ABLIM2: variants seen among roughly 807,000 people sequenced by gnomAD.
ABLIM2 encodes the protein actin-binding LIM protein 2.
Under a neutral mutation model 97.7 loss-of-function variants are expected in ABLIM2, and 53 were observed. The ratio of observed to expected loss-of-function variants is 0.54; its 90% CI spans 0.44 to 0.68. The LOEUF (loss-of-function observed/expected upper bound fraction) is 0.68, where lower values mean the gene tolerates loss of function less well. Among genes scored for constraint, ABLIM2 ranks in the 30% least tolerant of loss-of-function variants. The pLI is 0.00. For synonymous variants in ABLIM2, 361 were observed against 345.8 expected (o/e 1.04, Z -0.49); for missense variants, 835 against 867.2 (o/e 0.96, Z 0.47).
intron 20 of ABLIM2, among the ~76,000 whole-genome samples, chr4:7,981,671 C>T (rs957462560): frequency 6.6e-6 from 1 of 152,212 alleles, no homozygotes; most frequent in African/African-American, 2.4e-5. Context: ...GCATCCCATC[C>T]CCAGTGCTAC....
At chr4:7,977,422 C>G (rs1402334085) in intron 20 of ABLIM2, among the ~76,000 whole-genome samples, 1 of 152,330 alleles carries the variant, frequency 6.6e-6, no homozygotes, top group South Asian at 2.1e-4. Flanking sequence ...CACATACACA[C>G]ACATGCATGC....
Position 8,104,283 on chromosome 4 carries a change from C to T in ABLIM2, c.154+2211G>A, listed in dbSNP as rs553514289. On this transcript the variant is annotated intron_variant, in intron 2 of 20. Transcript: ENST00000447017. ...AAAACAAATCCTTCCCCGCGTGTGC[C>T]GGAGAGCGTGCTGTTCACTTCGTTG... 3.9e-5 allele frequency among the ~76,000 whole-genome samples: 6 copies of T among 152,338 alleles called. No individual in the cohort carries two copies. The South Asian group carries it at 6.2e-4, about 16-fold the overall frequency.
At chr4:8,013,019 A>G (rs1156359960) in intron 14 of ABLIM2, among the ~76,000 whole-genome samples, 2 of 152,008 alleles carry the variant, frequency 1.3e-5, no homozygotes, top group African/African-American at 4.8e-5. Context: ...CTCAGACATG[A>G]CCCTTGTCTT....
At position 8,064,503 on chromosome 4, in the gene ABLIM2, C is replaced by A. The variant is rs1006596546; in HGVS notation, c.676-3449G>T. Among the ~76,000 whole-genome samples the A allele has an allele frequency of 7.8e-4, 118 of 152,220 alleles. 1 individual carries two copies. The highest frequency in any genetic ancestry group is 2.9e-4 in the Non-Finnish European group (20 of 68,040). On this transcript the variant is annotated intron_variant, in intron 6 of 20. Coordinates refer to ENST00000447017, the MANE Select transcript of ABLIM2 (RefSeq NM_001130083.2). ...TTCCCAACAGCCACAGGATGTGCCC[C>A]CTTCACGCTGGACTTCACAGCCTCC...
Position 8,080,689 on chromosome 4 carries a change from C to G in ABLIM2, c.568G>C (p.Glu190Gln). 2 of 1,607,628 alleles carry G rather than the reference C, an allele frequency of 1.2e-6. No individual in the cohort carries two copies. The highest frequency in any genetic ancestry group is 1.7e-6 in the Non-Finnish European group (2 of 1,175,606). The change falls in exon 5 of 21, where the codon GAG (glutamate) becomes CAG (glutamine). Residue 190 changes from glutamate (E) to glutamine (Q), a missense_variant. Coordinates refer to ENST00000447017, the MANE Select transcript of ABLIM2 (RefSeq NM_001130083.2). ...CCCCCCACTTACTTGCTGATGTACT[C>G]GGCATTCAGGAGCTTCCCACAGCTC... The part of the protein sequence containing the change: ...CKSCGKLLNA[E>Q]YISKDGLPYC...
intron 8 of ABLIM2, among the ~76,000 whole-genome samples, chr4:8,052,902 T>C (rs994145965): frequency 1.3e-5 from 2 of 152,212 alleles, no homozygotes; most frequent in Non-Finnish European, 2.9e-5. Flanking sequence ...GGATGAGGTC[T>C]ACGGGATACC....
At chr4:8,027,650 T>C (rs576036311) in intron 12 of ABLIM2, 109 bp downstream of exon 12, 4 of 840,404 alleles carry the variant, frequency 4.8e-6, no homozygotes, top group South Asian at 2.4e-5. Flanking sequence ...GCACAGGGCA[T>C]GAAACAGGGG....
At chr4:8,029,505 C>T in intron 11 of ABLIM2, 151 bp downstream of exon 11, 1 of 1,098,224 alleles carries the variant, frequency 9.1e-7, no homozygotes, top group Non-Finnish European at 1.2e-6. Flanking sequence ...TCTCAGCCAC[C>T]CACCCGCTGG....
Position 8,113,218 on chromosome 4 carries a change from C to T in ABLIM2, c.11-6581G>A, listed in dbSNP as rs575096688. Among the ~76,000 whole-genome samples, 1 of 152,286 alleles carries T rather than the reference C, an allele frequency of 6.6e-6. No individual in the cohort carries two copies. Among genetic ancestry groups the T allele is most frequent in the South Asian group, 2.1e-4 (1 of 4,824 alleles). Reference sequence around the variant, plus strand: ...CAAGCCATCCTCCCACCTCAGCCTCCCGAGTAGCTGGGACCACAAGTGTGT... The same window carrying T: ...CAAGCCATCCTCCCACCTCAGCCTCTCGAGTAGCTGGGACCACAAGTGTGT... On this transcript the variant is annotated intron_variant, in intron 1 of 20. Transcript: ENST00000447017. This position sits in a 1 kb window ranked among gnomAD's most constrained non-coding sequence, Gnocchi z 4.5.
At chr4:8,089,963 G>A (rs758186221) in intron 3 of ABLIM2, among the ~76,000 whole-genome samples, 8 of 152,252 alleles carry the variant, frequency 5.3e-5, no homozygotes, top group East Asian at 3.9e-4. Flanking sequence ...GGAGACCACC[G>A]TGCCTTCCCC....
At chr4:8,051,060 T>C (rs1360424581) in intron 8 of ABLIM2, among the ~76,000 whole-genome samples, 1 of 152,212 alleles carries the variant, frequency 6.6e-6, no homozygotes. Context: ...CTGGCATCAG[T>C]GGGGACAGTG....
rs1000041504 is a variant in ABLIM2 at position 8,074,833 on chromosome 4, T to C, written c.675+2795A>G. ...TCTCGCTCTGTAGCCCAGGCTGGAG[T>C]GCAGTGGCGCAGTCTCGGCTCACTG... On this transcript the variant is annotated intron_variant, in intron 6 of 20. Coordinates refer to ENST00000447017, the MANE Select transcript of ABLIM2 (RefSeq NM_001130083.2). Among the ~76,000 whole-genome samples the C allele has an allele frequency of 2.5e-4, 36 of 141,456 alleles. 1 individual carries two copies. The highest frequency in any genetic ancestry group is 8.1e-3 in the Middle Eastern group (2 of 246). 92.8% of individuals were successfully genotyped at this position (141,456 alleles called of 152,430 possible). A position where few individuals can be genotyped will look rare whatever the true frequency, so the allele number is the denominator to read the frequency against.
chr4:8,003,119 T>C lies in ABLIM2; in HGVS notation c.1618+4940A>G, dbSNP rs772374868. Reference sequence around the variant, plus strand: ...CGGAACACACCAAGCACTCATGAAATACAGAGAGATGCCCCTTGGCTTACC... The same window carrying C: ...CGGAACACACCAAGCACTCATGAAACACAGAGAGATGCCCCTTGGCTTACC... On this transcript the variant is annotated intron_variant, in intron 16 of 20. Transcript: ENST00000447017. This position sits in a 1 kb window ranked among gnomAD's most constrained non-coding sequence, Gnocchi z 4.2. Among the ~76,000 whole-genome samples, 2 of 152,084 alleles carry C rather than the reference T, an allele frequency of 1.3e-5. No homozygotes were observed. Among genetic ancestry groups the C allele is most frequent in the East Asian group, 1.9e-4 (1 of 5,178 alleles).
intron 1 of ABLIM2, among the ~76,000 whole-genome samples, chr4:8,136,969 T>C (rs973579152): frequency 3.9e-5 from 6 of 152,144 alleles, no homozygotes; most frequent in Admixed American, 2.0e-4. Flanking sequence ...GGGAGGTGAT[T>C]AGGTCATGAG....
In ABLIM2 at chr4:8,112,916, A is replaced by G. The variant is rs967369189; in HGVS notation, c.11-6279T>C. On this transcript the variant is annotated intron_variant, in intron 1 of 20. Transcript: ENST00000447017. The surrounding 1 kb of genome is among the most constrained non-coding windows in gnomAD (Gnocchi z 4.2). ...GTTCAACAGACACGGGAGCAGACGC[A>G]CTGTCAGGTACTGGGGAGAGAGGTG... 3.9e-5 allele frequency among the ~76,000 whole-genome samples: 6 copies of G among 152,142 alleles called. No individual in the cohort carries two copies. Among genetic ancestry groups the G allele is most frequent in the African/African-American group, 1.4e-4 (6 of 41,424 alleles).
At chr4:8,040,227 G>A (rs986981019) in intron 9 of ABLIM2, among the ~76,000 whole-genome samples, 11 of 152,178 alleles carry the variant, frequency 7.2e-5, no homozygotes, top group African/African-American at 2.4e-4. Context: ...GACATGGAAC[G>A]GCCCCTTTCT....
chr4:8,095,973 G>A lies in ABLIM2; in HGVS notation c.338+1126C>T, dbSNP rs756674667. 6.6e-5 allele frequency among the ~76,000 whole-genome samples: 10 copies of A among 152,104 alleles called. No homozygotes were observed. The highest frequency in any genetic ancestry group is 2.4e-4 in the African/African-American group (10 of 41,408). ...GACTCCAAGGTACCTGTGCAGTTCG[G>A]CGCTCTTGCTCTGTGGTGCCCCTGC... is the stretch of plus-strand genomic sequence containing the variant. On this transcript the variant is annotated intron_variant, in intron 3 of 20. Transcript: ENST00000447017. The surrounding 1 kb of genome is among the most constrained non-coding windows in gnomAD (Gnocchi z 4.7).
chr4:8,104,623 C>A (rs1836301672), intron 2 of ABLIM2, among the ~76,000 whole-genome samples: 1 of 152,172 alleles, frequency 6.6e-6, no homozygotes, highest in African/African-American at 2.4e-5. Context: ...AGGGCACTCC[C>A]ACTCCTGCCA....
At chr4:8,110,973 T>C (rs1465954585) in intron 1 of ABLIM2, among the ~76,000 whole-genome samples, 1 of 152,176 alleles carries the variant, frequency 6.6e-6, no homozygotes, top group African/African-American at 2.4e-5. Context: ...TGCCAAATTG[T>C]GAGGACGGCT....
Sources: gnomAD v4.1 joint callset for allele counts (sites outside exome capture counted in the v4.1 genomes callset) on GRCh38, gnomAD v4.1.1 for gene constraint, Gnocchi (gnomAD v3.1) non-coding constraint, MANE v1.5 for transcripts, NCBI Gene and HGNC (gene_info 2026-07-23, HGNC 2026-07-21) for gene names.